The following WDPCP variants were observed in gnomAD, a reference collection of about 807,000 sequenced individuals.
WDPCP encodes the protein WD repeat-containing and planar cell polarity effector protein fritz homolog.
WDPCP carries 71 observed loss-of-function variants against 93.1 expected under a neutral mutation model. That is an observed-to-expected ratio of 0.76 (90% confidence interval 0.63 to 0.93). The LOEUF (loss-of-function observed/expected upper bound fraction) is 0.93. Among genes scored for constraint, WDPCP ranks in the 40% least tolerant of loss-of-function variants. The probability of loss-of-function intolerance (pLI) is 0.00; values close to 1 mark genes in which losing one functional copy is unlikely to be tolerated. For missense variants in WDPCP, 844 were observed against 887.4 expected (o/e 0.95, Z 0.62); for synonymous variants, 315 against 315.0 (o/e 1.00, Z 0.00).
At chr2:63,249,737 T>C (rs1293037632) in intron 14 of WDPCP, among the ~76,000 whole-genome samples, 1 of 152,196 alleles carries the variant, frequency 6.6e-6, no homozygotes, top group African/African-American at 2.4e-5. Flanking sequence ...TTTCCAGGTA[T>C]GGTAGTCTTC....
chr2:63,798,611 T>C (rs2104026209), intron 2 of WDPCP, among the ~76,000 whole-genome samples: 1 of 151,384 alleles, frequency 6.6e-6, no homozygotes, highest in Middle Eastern at 3.4e-3. Context: ...AATCATATCA[T>C]GAGAGAAAAA....
At chr2:63,406,534 T>G (rs2105216475) in intron 9 of WDPCP, among the ~76,000 whole-genome samples, 1 of 152,298 alleles carries the variant, frequency 6.6e-6, no homozygotes, top group Non-Finnish European at 1.5e-5. Context: ...TGACACCCCC[T>G]ATAACAAAAG....
chr2:63,441,724 C>T (rs2105540010), intron 6 of WDPCP: 1 of 152,092 alleles, frequency 6.6e-6, no homozygotes, highest in Middle Eastern at 3.4e-3. Context: ...CTAGCCCATG[C>T]TTGAATATTG....
chr2:63,286,356 C>G (rs575199498), intron 13 of WDPCP, among the ~76,000 whole-genome samples: 5 of 152,102 alleles, frequency 3.3e-5, no homozygotes, highest in Non-Finnish European at 7.4e-5. Context: ...TCTGCCCCAC[C>G]CTAACCGATC....
upstream of WDPCP, among the ~76,000 whole-genome samples, chr2:63,829,375 T>C (rs1255624670): frequency 6.6e-6 from 1 of 152,096 alleles, no homozygotes; most frequent in East Asian, 1.9e-4. Context: ...TTAGCTCTTC[T>C]GATAGTTACT....
At chr2:63,566,587 C>G (rs1707076098) in intron 1 of WDPCP, among the ~76,000 whole-genome samples, 1 of 152,174 alleles carries the variant, frequency 6.6e-6, no homozygotes, top group Non-Finnish European at 1.5e-5. Context: ...TTAACTGAGA[C>G]CTGTCTCAGA....
At chr2:63,182,469 A>G (rs1674319831) in intron 14 of WDPCP, among the ~76,000 whole-genome samples, 2 of 152,090 alleles carry the variant, frequency 1.3e-5, no homozygotes, top group Admixed American at 1.3e-4. Context: ...ATGTTGAACT[A>G]TACTTGCATC....
chr2:63,780,675 C>A (rs1021491191), intron 2 of WDPCP, among the ~76,000 whole-genome samples: 4 of 152,200 alleles, frequency 2.6e-5, no homozygotes, highest in Non-Finnish European at 5.9e-5. Context: ...CGGTCTGATT[C>A]AAGACACCTG....
At chr2:63,216,277 A>G (rs1171801605) in intron 14 of WDPCP, among the ~76,000 whole-genome samples, 1 of 152,200 alleles carries the variant, frequency 6.6e-6, no homozygotes. Flanking sequence ...TTGCAACACT[A>G]TTCACAATAG....
At chr2:63,787,988 G>T (rs1448305487) in intron 2 of WDPCP, among the ~76,000 whole-genome samples, 1 of 152,070 alleles carries the variant, frequency 6.6e-6, no homozygotes, top group African/African-American at 2.4e-5. Flanking sequence ...GCAGTGAGCT[G>T]AGATCATGTG....
At chr2:63,286,156 C>T (rs984991587) in intron 13 of WDPCP, among the ~76,000 whole-genome samples, 1 of 152,106 alleles carries the variant, frequency 6.6e-6, no homozygotes, top group African/African-American at 2.4e-5. Flanking sequence ...CAGGCGCACA[C>T]CACCACACTC....
intron 6 of WDPCP, among the ~76,000 whole-genome samples, chr2:63,450,389 A>G (rs1478462919): frequency 6.6e-6 from 1 of 152,124 alleles, no homozygotes; most frequent in African/African-American, 2.4e-5. Flanking sequence ...ACCAGTATGC[A>G]CCACCCAGGA....
chr2:63,239,619 T>C (rs1234268369), intron 14 of WDPCP, among the ~76,000 whole-genome samples: 2 of 152,170 alleles, frequency 1.3e-5, no homozygotes, highest in African/African-American at 4.8e-5. Context: ...ATTTTATACA[T>C]GTAAAATATC....
At chr2:63,163,875 G>A (rs985155171) in intron 15 of WDPCP, among the ~76,000 whole-genome samples, 14 of 152,016 alleles carry the variant, frequency 9.2e-5, no homozygotes, top group African/African-American at 3.4e-4. Context: ...TTTTTGGTTT[G>A]TTCCAACTTA....
intron 14 of WDPCP, among the ~76,000 whole-genome samples, chr2:63,254,853 G>A (rs1260734766): frequency 6.6e-6 from 1 of 152,110 alleles, no homozygotes; most frequent in East Asian, 1.9e-4. Flanking sequence ...AAAACCATGA[G>A]TCTGTAAGTC....
intron 12 of WDPCP, among the ~76,000 whole-genome samples, chr2:63,323,873 A>C (rs1317319109): frequency 6.6e-6 from 1 of 152,092 alleles, no homozygotes; most frequent in Admixed American, 6.5e-5. Flanking sequence ...GAGCACAACT[A>C]TTCCGATCAG....
At chr2:63,143,024 C>T (rs1003445079) in intron 17 of WDPCP, among the ~76,000 whole-genome samples, 5 of 152,050 alleles carry the variant, frequency 3.3e-5, no homozygotes, top group Non-Finnish European at 7.4e-5. Flanking sequence ...GATCTTGGCT[C>T]ACTACACTTT....
At chr2:63,512,175 T>A (rs746583642) in intron 1 of WDPCP, among the ~76,000 whole-genome samples, 8 of 151,954 alleles carry the variant, frequency 5.3e-5, no homozygotes, top group Non-Finnish European at 7.4e-5. Flanking sequence ...CAAATGCAAA[T>A]CAAAACCACA....
rs1029135913 is a variant in WDPCP at position 63,198,264 on chromosome 2, G to C, written c.1916-23432C>G. On this transcript the variant is annotated intron_variant, in intron 14 of 17. Coordinates refer to ENST00000272321, the MANE Select transcript of WDPCP (RefSeq NM_015910.7). Reference sequence around the variant, plus strand: ...CACTAAATTTCCATACAGATTTTCTGCTCATTTCCATTGGGATACCAATAT... The same window carrying C: ...CACTAAATTTCCATACAGATTTTCTCCTCATTTCCATTGGGATACCAATAT... 2.6e-5 allele frequency among the ~76,000 whole-genome samples: 4 copies of C among 152,114 alleles called. No homozygotes were observed. The East Asian group carries it at 7.7e-4, about 29-fold the overall frequency.
Sources: gnomAD v4.1 joint callset for allele counts (sites outside exome capture counted in the v4.1 genomes callset) on GRCh38, gnomAD v4.1.1 for gene constraint, MANE v1.5 for transcripts, NCBI Gene and HGNC (gene_info 2026-07-23, HGNC 2026-07-21) for gene names.